DNER: variants seen among roughly 807,000 people sequenced by gnomAD.
The protein encoded by DNER is delta and Notch-like epidermal growth factor-related receptor.
DNER carries 33 observed loss-of-function variants against 78.2 expected under a neutral mutation model. That is an observed-to-expected ratio of 0.42 (90% CI 0.32 to 0.56). The LOEUF (loss-of-function observed/expected upper bound fraction) is 0.56. Ranked by LOEUF, DNER falls within the 20% of genes least tolerant of loss-of-function variation. The pLI is 0.11. For missense variants in DNER, 918 were observed against 975.3 expected, an observed-to-expected ratio of 0.94 and a Z score of 0.78; for synonymous variants, 417 against 384.8, an observed-to-expected ratio of 1.08 and a Z score of -0.98.
chr2:229,387,493 A>AAGAAAGAG (rs1692897342), intron 11 of DNER, among the ~76,000 whole-genome samples: 4 of 106,160 alleles, frequency 3.8e-5, no homozygotes, highest in African/African-American at 1.3e-4. Context: ...AAAAGAAAGA[A>AAGAAAGAG]AGAAAGAAAG....
At chr2:229,509,837 T>TA (rs1344186415) in intron 6 of DNER, among the ~76,000 whole-genome samples, 1 of 151,268 alleles carries the variant, frequency 6.6e-6, no homozygotes, top group African/African-American at 2.4e-5. Flanking sequence ...AAATATAAAA[T>TA]AAAAAAGGGG....
chr2:229,512,943 C>T lies in DNER; in HGVS notation c.994-7G>A. The T allele has an allele frequency of 2.5e-6, 4 of 1,610,966 alleles. No individual in the cohort carries two copies. Among genetic ancestry groups the T allele is most frequent in the Non-Finnish European group, 2.5e-6 (3 of 1,179,048 alleles). On this transcript the variant is annotated splice_polypyrimidine_tract_variant and splice_region_variant and intron_variant, in intron 5 of 12. Coordinates refer to ENST00000341772, the MANE Select transcript of DNER (RefSeq NM_139072.4). ...AGGTACAGGAAAAAGTTGCCTAAAA[C>T]ACAAAAAAAGCACAGTGTCTATTAC...
At chr2:229,665,732 A>G (rs1699082111) in intron 1 of DNER, among the ~76,000 whole-genome samples, 1 of 152,194 alleles carries the variant, frequency 6.6e-6, no homozygotes, top group South Asian at 2.1e-4. Context: ...CCTAATATAG[A>G]TTCCAACACC....
rs1051808057 is a variant in DNER at position 229,654,941 on chromosome 2, A to G, written c.276+59207T>C. On this transcript the variant is annotated intron_variant, in intron 1 of 12. Transcript: ENST00000341772. ...TATAGTCTTAAACTCTACAAGAAAA[A>G]AACTACATAAAGAAATACCAGAAGC... 3.9e-5 allele frequency among the ~76,000 whole-genome samples: 6 copies of G among 152,356 alleles called. No individual in the cohort carries two copies. In the South Asian group the frequency reaches 1.2e-3, roughly 32 times the overall value.
intron 1 of DNER, among the ~76,000 whole-genome samples, chr2:229,647,901 C>A (rs772437855): frequency 6.6e-6 from 1 of 152,130 alleles, no homozygotes; most frequent in Non-Finnish European, 1.5e-5. Context: ...TAAAGATAAT[C>A]ATCTGTGATT....
At chr2:229,375,507 T>G (rs1037895688) in intron 11 of DNER, among the ~76,000 whole-genome samples, 3 of 152,216 alleles carry the variant, frequency 2.0e-5, no homozygotes, top group African/African-American at 7.2e-5. Flanking sequence ...GAGGATGCAT[T>G]CCTGGTGTTC....
chr2:229,692,989 C>A (rs1027473655), intron 1 of DNER, among the ~76,000 whole-genome samples: 2 of 151,902 alleles, frequency 1.3e-5, no homozygotes, highest in African/African-American at 4.8e-5. Flanking sequence ...TTGGGCAAGC[C>A]ACCAAGAACC....
At chr2:229,422,083 A>G (rs1015897103) in intron 8 of DNER, among the ~76,000 whole-genome samples, 7 of 152,180 alleles carry the variant, frequency 4.6e-5, no homozygotes, top group African/African-American at 1.4e-4. Context: ...TAAAGTTTTC[A>G]TATTCTAAAA....
intron 4 of DNER, among the ~76,000 whole-genome samples, chr2:229,558,465 T>G (rs148312301): frequency 7.2e-5 from 11 of 152,330 alleles, no homozygotes; most frequent in African/African-American, 2.6e-4. Context: ...AGGCATTCTA[T>G]CATCATCTGA....
chr2:229,366,777 C>T, intron 12 of DNER, 96 bp downstream of exon 12: 1 of 1,540,388 alleles, frequency 6.5e-7, no homozygotes, highest in East Asian at 2.3e-5. Flanking sequence ...TTTAAAATCT[C>T]CTCTTTGCAA....
chr2:229,592,269 G>A (rs1697623480), intron 1 of DNER, among the ~76,000 whole-genome samples: 1 of 152,150 alleles, frequency 6.6e-6, no homozygotes, highest in Non-Finnish European at 1.5e-5. Context: ...AATCTAAATT[G>A]GAATCTCCTT....
intron 1 of DNER, among the ~76,000 whole-genome samples, chr2:229,666,806 T>C (rs1699099855): frequency 6.6e-6 from 1 of 152,192 alleles, no homozygotes; most frequent in Non-Finnish European, 1.5e-5. Context: ...AGTTCAGCTG[T>C]ATAGCATTAT....
At chr2:229,379,475 C>G (rs1203990627) in intron 11 of DNER, among the ~76,000 whole-genome samples, 2 of 152,070 alleles carry the variant, frequency 1.3e-5, no homozygotes, top group Non-Finnish European at 2.9e-5. Context: ...CATATTTTGC[C>G]TACATTATCA....
intron 6 of DNER, among the ~76,000 whole-genome samples, chr2:229,485,306 C>A (rs1333138952): frequency 1.3e-5 from 2 of 152,134 alleles, no homozygotes; most frequent in African/African-American, 4.8e-5. Flanking sequence ...ACATAGGAAG[C>A]AAAGCCTGGC....
chr2:229,572,811 A>G (rs768324989), intron 4 of DNER, among the ~76,000 whole-genome samples: 1 of 152,208 alleles, frequency 6.6e-6, no homozygotes, highest in Non-Finnish European at 1.5e-5. Context: ...AGATGAGTAA[A>G]CATATACAGT....
At chr2:229,463,347 C>T (rs1694740665) in intron 7 of DNER, among the ~76,000 whole-genome samples, 1 of 152,006 alleles carries the variant, frequency 6.6e-6, no homozygotes. Context: ...TTAGAAATTA[C>T]AATGAGGGAA....
chr2:229,403,079 G>A (rs929313098), intron 10 of DNER, among the ~76,000 whole-genome samples: 1 of 152,196 alleles, frequency 6.6e-6, no homozygotes, highest in Non-Finnish European at 1.5e-5. Context: ...TGGTAAATAT[G>A]ACATTGGATT....
chr2:229,679,268 T>G (rs1272043448), intron 1 of DNER, among the ~76,000 whole-genome samples: 2 of 152,196 alleles, frequency 1.3e-5, no homozygotes, highest in East Asian at 3.9e-4. Context: ...TTAATGATAA[T>G]TTCTATTATA....
At chr2:229,508,860 G>A (rs533105942) in intron 6 of DNER, among the ~76,000 whole-genome samples, 15 of 151,582 alleles carry the variant, frequency 9.9e-5, no homozygotes, top group South Asian at 6.3e-4. Flanking sequence ...CAGCCTGGGC[G>A]ACAGAGTGAG....
Sources: gnomAD v4.1 joint callset for allele counts (sites outside exome capture counted in the v4.1 genomes callset) on GRCh38, gnomAD v4.1.1 for gene constraint, MANE v1.5 for transcripts, NCBI Gene and HGNC (gene_info 2026-07-23, HGNC 2026-07-21) for gene names.